The following MOB1B variants were observed in gnomAD, a reference collection of about 807,000 sequenced individuals.
The protein encoded by MOB1B is MOB kinase activator 1B, also known as MOB1 Mps One Binder homolog B.
In MOB1B, 19 loss-of-function variants were observed where a neutral mutation model predicts 24.4. That is an observed-to-expected ratio of 0.78 (90% CI 0.54 to 1.14). The LOEUF is 1.14. Ranked by LOEUF, MOB1B falls within the 50% of genes most tolerant of loss-of-function variation. MOB1B has a pLI of 0.00. For synonymous variants in MOB1B, 76 were observed against 82.1 expected (o/e 0.93, Z 0.40); for missense variants, 243 against 259.6 (o/e 0.94, Z 0.44).
intron 1 of MOB1B, among the ~76,000 whole-genome samples, chr4:70,936,785 C>A (rs1468879247): frequency 6.6e-6 from 1 of 152,140 alleles, no homozygotes. Flanking sequence ...TGAACATACC[C>A]TCATACTTGA....
Position 70,984,691 on chromosome 4 carries a change from A to G in MOB1B, c.*2634A>G, listed in dbSNP as rs771253512. On this transcript the variant is annotated 3_prime_UTR_variant, in exon 6 of 6. Transcript: ENST00000309395. ...TTTGGTTAAATGTTGATACGAAGCA[A>G]TGTTTTGGAATTACTTTAATTGATG... The G allele has an allele frequency of 1.2e-4, 19 of 152,168 alleles. No individual in the cohort carries two copies. Among genetic ancestry groups the G allele is most frequent in the African/African-American group, 3.4e-4 (14 of 41,448 alleles). 9.4% of individuals were successfully genotyped at this position (152,168 alleles called of 1,614,324 possible). A position where few individuals can be genotyped will look rare whatever the true frequency, so the allele number is the denominator to read the frequency against.
At position 70,902,568 on chromosome 4, in the gene MOB1B, G is replaced by A; in HGVS notation, c.14+18G>A. 6.5e-7 allele frequency: 1 copy of A among 1,549,836 alleles called. No individual in the cohort carries two copies. Among genetic ancestry groups the A allele is most frequent in the South Asian group, 1.2e-5 (1 of 84,464 alleles). On this transcript the variant is annotated intron_variant, in intron 1 of 5. Transcript: ENST00000309395. ...TTCTTGTTGTGAGTAGCCAGGCCCC[G>A]CACGCGCCGGCTTTGTTCGGGTGGA...
intron 1 of MOB1B, among the ~76,000 whole-genome samples, chr4:70,902,981 G>T (rs1376616838): frequency 6.6e-6 from 1 of 152,232 alleles, no homozygotes; most frequent in Non-Finnish European, 1.5e-5. Context: ...CCCAAGCACA[G>T]AAGATAAGAC....
intron 1 of MOB1B, among the ~76,000 whole-genome samples, chr4:70,903,454 G>C (rs1735603263): frequency 6.6e-6 from 1 of 152,180 alleles, no homozygotes; most frequent in South Asian, 2.1e-4. Context: ...CAGTAGATAA[G>C]CCTCAGGTCC....
At chr4:70,962,362 A>G (rs1182943621) in intron 2 of MOB1B, among the ~76,000 whole-genome samples, 2 of 152,226 alleles carry the variant, frequency 1.3e-5, no homozygotes, top group Non-Finnish European at 2.9e-5. Flanking sequence ...AGAAAAATCT[A>G]TTTGAATTTA....
At chr4:70,979,755 A>G (rs1359946155) in intron 5 of MOB1B, among the ~76,000 whole-genome samples, 16 of 152,176 alleles carry the variant, frequency 1.1e-4, no homozygotes, top group Admixed American at 9.8e-4. Flanking sequence ...GTTAAGGACT[A>G]TCCATCATGT....
chr4:70,958,725 TAGG>T (rs775760065), intron 1 of MOB1B, 146 bp from the exon 2 acceptor site: 2 of 861,654 alleles, frequency 2.3e-6, no homozygotes, highest in Non-Finnish European at 3.9e-6. Context: ...AGAAAGTTTG[TAGG>T]AGTTTTGGAT....
chr4:70,957,754 T>A (rs890278578), intron 1 of MOB1B, among the ~76,000 whole-genome samples: 2 of 97,440 alleles, frequency 2.1e-5, no homozygotes, highest in Non-Finnish European at 3.5e-5. Context: ...CCCTGCCTTA[T>A]TTTTTTTTTT....
Position 70,982,897 on chromosome 4 carries a change from G to A in MOB1B, c.*840G>A, listed in dbSNP as rs557114716. On this transcript the variant is annotated 3_prime_UTR_variant, in exon 6 of 6. Coordinates refer to ENST00000309395, the MANE Select transcript of MOB1B (RefSeq NM_173468.4). Reference sequence around the variant, plus strand: ...TGAGGTTTCCTAGTAATTGCCAAATGAGCCGTAAGTCTGCAGAATTCCCTT... The same window carrying A: ...TGAGGTTTCCTAGTAATTGCCAAATAAGCCGTAAGTCTGCAGAATTCCCTT... The A allele has an allele frequency of 1.3e-5, 2 of 152,674 alleles. No homozygotes were observed. Among genetic ancestry groups the A allele is most frequent in the South Asian group, 2.1e-4 (1 of 4,826 alleles). The allele number at this position is 152,674 out of a possible 1,614,324, so 9.5% of individuals were successfully genotyped here.
rs12108670 is a variant in MOB1B at position 70,958,284 on chromosome 4, C to T, written c.15-590C>T. On this transcript the variant is annotated intron_variant, in intron 1 of 5. Coordinates refer to ENST00000309395, the MANE Select transcript of MOB1B (RefSeq NM_173468.4). ...AGTTCAAGCGATTCTCCTGCCTCAGCCTCCTGAGTGGCTGGGATTACAAGG... is the reference window on the plus strand; with the variant it reads ...AGTTCAAGCGATTCTCCTGCCTCAGTCTCCTGAGTGGCTGGGATTACAAGG... Among the ~76,000 whole-genome samples the T allele has an allele frequency of 7.5e-3, 1,137 of 152,022 alleles. 14 individuals are homozygous for T. Among genetic ancestry groups the T allele is most frequent in the African/African-American group, 0.026 (1,098 of 41,464 alleles).
chr4:70,903,350 T>G (rs978795374), intron 1 of MOB1B, among the ~76,000 whole-genome samples: 4 of 152,210 alleles, frequency 2.6e-5, no homozygotes, highest in Non-Finnish European at 4.4e-5. Flanking sequence ...TGCTGGTCAT[T>G]ATTTCACTTA....
chr4:70,956,700 G>T (rs1226166117), intron 1 of MOB1B, among the ~76,000 whole-genome samples: 1 of 152,162 alleles, frequency 6.6e-6, no homozygotes, highest in African/African-American at 2.4e-5. Flanking sequence ...GATTATAGGT[G>T]TGGGCCACTG....
intron 4 of MOB1B, 54 bp from the exon 5 acceptor site, chr4:70,979,074 A>G: frequency 7.0e-7 from 1 of 1,438,220 alleles, no homozygotes; most frequent in Non-Finnish European, 9.6e-7. Flanking sequence ...CGACAAACTC[A>G]TTGTCTTGTT....
At chr4:70,955,821 G>A (rs558810986) in intron 1 of MOB1B, among the ~76,000 whole-genome samples, 1 of 152,072 alleles carries the variant, frequency 6.6e-6, no homozygotes, top group East Asian at 1.9e-4. Context: ...AGAGGAAAAT[G>A]AAGTAAGTTT....
At chr4:70,941,197 C>T (rs1737321710) in intron 1 of MOB1B, among the ~76,000 whole-genome samples, 1 of 150,294 alleles carries the variant, frequency 6.7e-6, no homozygotes, top group South Asian at 2.1e-4. Context: ...CATACACACA[C>T]AGTAGTAGTG....
chr4:70,927,661 T>C (rs1207771008), intron 1 of MOB1B, among the ~76,000 whole-genome samples: 1 of 152,220 alleles, frequency 6.6e-6, no homozygotes, highest in East Asian at 1.9e-4. Flanking sequence ...CTGTTTTTAT[T>C]GTGTGGATGC....
At chr4:70,912,087 G>A (rs28589478) in intron 1 of MOB1B, among the ~76,000 whole-genome samples, 1 of 151,876 alleles carries the variant, frequency 6.6e-6, no homozygotes, top group Admixed American at 6.6e-5. Context: ...AGTAGAGACA[G>A]GGTTTCACCA....
intron 2 of MOB1B, among the ~76,000 whole-genome samples, chr4:70,961,029 G>A (rs745793624): frequency 1.3e-5 from 2 of 152,030 alleles, no homozygotes; most frequent in East Asian, 1.9e-4. Context: ...TCCTGAAACC[G>A]GTGATAGTAC....
At chr4:70,944,519 A>G (rs1737491253) in intron 1 of MOB1B, among the ~76,000 whole-genome samples, 1 of 152,156 alleles carries the variant, frequency 6.6e-6, no homozygotes, top group Admixed American at 6.6e-5. Context: ...GATTGTTGTC[A>G]AATTTGGGGC....
Sources: gnomAD v4.1 joint callset for allele counts (sites outside exome capture counted in the v4.1 genomes callset) on GRCh38, gnomAD v4.1.1 for gene constraint, MANE v1.5 for transcripts, NCBI Gene and HGNC (gene_info 2026-07-23, HGNC 2026-07-21) for gene names.